The following NAV2 variants were observed in gnomAD, a reference collection of about 807,000 sequenced individuals.
The protein encoded by NAV2 is helicase, APC down-regulated 1.
NAV2 carries 54 observed loss-of-function variants against 223.2 expected under a neutral mutation model. The ratio of observed to expected loss-of-function variants is 0.24; its 90% CI spans 0.19 to 0.30. The LOEUF (loss-of-function observed/expected upper bound fraction) is 0.30. Ranked by LOEUF, NAV2 falls within the 10% of genes least tolerant of loss-of-function variation. The pLI is 1.00. For missense variants in NAV2, 2,806 were observed against 3,147.5 expected (o/e 0.89, Z 2.60); for synonymous variants, 1,279 against 1,239.3 (o/e 1.03, Z -0.67).
intron 6 of NAV2, among the ~76,000 whole-genome samples, chr11:19,894,685 GC>G (rs1565511175): frequency 6.6e-6 from 1 of 152,184 alleles, no homozygotes; most frequent in East Asian, 1.9e-4. Context: ...TAGAGGCAAT[GC>G]CCCAGGGAAA....
At chr11:19,980,102 C>T (rs978017878) in intron 10 of NAV2, among the ~76,000 whole-genome samples, 1 of 152,188 alleles carries the variant, frequency 6.6e-6, no homozygotes, top group African/African-American at 2.4e-5. Flanking sequence ...TTGGGTCTAA[C>T]AACAGTCATG....
At chr11:19,986,790 G>A (rs774004223) in intron 11 of NAV2, among the ~76,000 whole-genome samples, 1 of 152,202 alleles carries the variant, frequency 6.6e-6, no homozygotes, top group Non-Finnish European at 1.5e-5. Flanking sequence ...TCTAGAATAT[G>A]CTAAATTTTT....
At chr11:19,446,532 A>G (rs909438725) in intron 1 of NAV2, among the ~76,000 whole-genome samples, 11 of 152,034 alleles carry the variant, frequency 7.2e-5, no homozygotes, top group African/African-American at 9.7e-5. Context: ...GAGTTTTTGG[A>G]CATGTTGGGG....
chr11:20,003,847 G>A (rs2052790157), intron 11 of NAV2, among the ~76,000 whole-genome samples: 1 of 152,186 alleles, frequency 6.6e-6, no homozygotes, highest in Admixed American at 6.5e-5. Flanking sequence ...GGGATCTGTT[G>A]CTCTTATTCT....
chr11:19,802,711 C>CAAAAAA (rs35777344), intron 1 of NAV2, among the ~76,000 whole-genome samples: 4 of 117,022 alleles, frequency 3.4e-5, no homozygotes, highest in Non-Finnish European at 6.9e-5. Flanking sequence ...CCCTGTCTCT[C>CAAAAAA]AAAAAAAAAA....
At chr11:19,616,661 T>C (rs2046805218) in intron 1 of NAV2, among the ~76,000 whole-genome samples, 1 of 151,896 alleles carries the variant, frequency 6.6e-6, no homozygotes, top group Non-Finnish European at 1.5e-5. Flanking sequence ...CTGCATGCCC[T>C]GAGACCAAGG....
chr11:19,999,170 G>A lies in NAV2; in HGVS notation c.2768+14923G>A, dbSNP rs147530605. ...GACCCATTAGAAAGGGGCATCAGTC[G>A]GCTGTAAGCCACTCATGCCTGGCAT... On this transcript the variant is annotated intron_variant, in intron 11 of 37. Transcript: ENST00000349880. Among the ~76,000 whole-genome samples, 1,372 of 152,350 alleles carry A rather than the reference G, an allele frequency of 9.0e-3. 22 individuals carry two copies. Among genetic ancestry groups the A allele is most frequent in the African/African-American group, 0.031 (1,300 of 41,580 alleles).
chr11:19,447,009 G>A (rs984830362), intron 1 of NAV2, among the ~76,000 whole-genome samples: 1 of 152,160 alleles, frequency 6.6e-6, no homozygotes, highest in African/African-American at 2.4e-5. Flanking sequence ...GAGGAAGTGA[G>A]GTTACTATGC....
chr11:19,942,097 A>C (rs1191600364), intron 8 of NAV2, among the ~76,000 whole-genome samples: 2 of 152,178 alleles, frequency 1.3e-5, no homozygotes, highest in African/African-American at 4.8e-5. Context: ...GTAGACACTA[A>C]AGTTTTAAGA....
chr11:19,879,116 C>G (rs2153085524), intron 4 of NAV2, among the ~76,000 whole-genome samples: 1 of 152,278 alleles, frequency 6.6e-6, no homozygotes, highest in East Asian at 1.9e-4. Flanking sequence ...AGGGATCTCC[C>G]AAGGAGAAGC....
At chr11:19,775,504 A>G (rs1237849863) in intron 1 of NAV2, among the ~76,000 whole-genome samples, 7 of 152,214 alleles carry the variant, frequency 4.6e-5, no homozygotes, top group Non-Finnish European at 8.8e-5. Context: ...AGCTCCCACT[A>G]TGGGCCACAC....
In NAV2 at chr11:20,090,957, T is replaced by C; in HGVS notation, c.5591T>C (p.Leu1864Ser). The C allele has an allele frequency of 6.2e-7, 1 of 1,613,952 alleles. No individual in the cohort carries two copies. Among genetic ancestry groups the C allele is most frequent in the Non-Finnish European group, 8.5e-7 (1 of 1,179,888 alleles). ...DKEMKLTDIR[L>S]EALSSAHQLD... is the part of the protein sequence containing the mutation. ...GAGATGAAGCTGACGGATATCCGCTTAGAAGCTCTCAGTTCTGCCCACCAG... is the reference window on the plus strand; with the variant it reads ...GAGATGAAGCTGACGGATATCCGCTCAGAAGCTCTCAGTTCTGCCCACCAG... Residue 1864 changes from leucine (L) to serine (S), a missense_variant, in exon 27 of 38, where the codon TTA (leucine) becomes TCA (serine). Leu to Ser is a moderately radical substitution (Grantham distance 145). Transcript: ENST00000349880.
At chr11:19,701,409 C>T (rs1198077823) in intron 1 of NAV2, among the ~76,000 whole-genome samples, 1 of 152,176 alleles carries the variant, frequency 6.6e-6, no homozygotes, top group East Asian at 1.9e-4. Flanking sequence ...CAAATCAGCC[C>T]TTTGTGGTAC....
At chr11:19,734,522 C>G (rs971204793) in intron 1 of NAV2, among the ~76,000 whole-genome samples, 1 of 152,182 alleles carries the variant, frequency 6.6e-6, no homozygotes, top group Non-Finnish European at 1.5e-5. Flanking sequence ...TCCTATTCAC[C>G]CTCAATCTGA....
rs561208523 is a variant in NAV2, at chr11:19,481,043, G to A, written c.75+130016G>A. On this transcript the variant is annotated intron_variant, in intron 1 of 37. Coordinates refer to the NAV2 transcript ENST00000360655. ...GCCATAAGGATCCGTAGCACCTGCA[G>A]CCCGGACAGGTGACTGCTTGGTAGG... is the stretch of plus-strand genomic sequence containing the variant. 8.5e-5 allele frequency among the ~76,000 whole-genome samples: 13 copies of A among 152,332 alleles called. No homozygotes were observed. In the East Asian group the frequency reaches 1.9e-3, roughly 23 times the overall value.
Position 20,045,653 on chromosome 11 carries a change from C to T in NAV2, c.3885C>T (p.Ala1295=), listed in dbSNP as rs2057352820. The T allele has an allele frequency of 2.5e-6, 4 of 1,613,494 alleles. No individual in the cohort carries two copies. The highest frequency in any genetic ancestry group is 2.7e-5 in the African/African-American group (2 of 75,042). ...CTGGAGCCAAGTACCCAGATGTGGC[C>T]TCTCCCACACTCCGCAGGTAAGTGA... ...LQPGAKYPDV[A]SPTLRRLFGG... Residue 1295 remains alanine (A), a synonymous_variant, in exon 14 of 38, where the codon GCC becomes GCT. Coordinates refer to ENST00000349880, the MANE Select transcript of NAV2 (RefSeq NM_145117.5).
rs116160713 is a variant in NAV2, at chr11:19,704,355, T to C, written c.76-128129T>C. On this transcript the variant is annotated intron_variant, in intron 1 of 37. Transcript: ENST00000360655. The stretch of plus-strand genomic sequence containing the variant: ...CCATATATAAGGCAGATCTTAACCG[T>C]ATCAGAAACAGGAAGTTACATTATC... 3.5e-3 allele frequency among the ~76,000 whole-genome samples: 538 copies of C among 152,274 alleles called. 2 individuals are homozygous for C. The highest frequency in any genetic ancestry group is 0.013 in the African/African-American group (520 of 41,560).
At chr11:19,389,311 A>T (rs945044691) in intron 1 of NAV2, among the ~76,000 whole-genome samples, 1 of 152,240 alleles carries the variant, frequency 6.6e-6, no homozygotes, top group African/African-American at 2.4e-5. Flanking sequence ...CCTTTAAGAT[A>T]GAGACTTCAG....
chr11:19,781,722 C>T (rs1322815908), intron 1 of NAV2, among the ~76,000 whole-genome samples: 1 of 151,532 alleles, frequency 6.6e-6, no homozygotes, highest in African/African-American at 2.4e-5. Flanking sequence ...CTCCTGAGCT[C>T]CCAGGTGCTG....
Sources: allele counts gnomAD v4.1 joint callset (sites outside exome capture counted in the v4.1 genomes callset), GRCh38; gene constraint gnomAD v4.1.1; transcripts MANE v1.5; gene names NCBI Gene and HGNC (gene_info 2026-07-23, HGNC 2026-07-21).